Variants in ENPP6 observed in about 807,000 individuals in gnomAD.
The protein encoded by ENPP6 is ectonucleotide pyrophosphatase/phosphodiesterase 6.
ENPP6 carries 32 observed loss-of-function variants against 42.0 expected under a neutral mutation model. That is an observed-to-expected ratio of 0.76 (90% CI 0.58 to 1.02). The LOEUF is 1.02. Among genes scored for constraint, ENPP6 ranks in the 50% least tolerant of loss-of-function variants. The pLI, the probability that ENPP6 is intolerant of heterozygous loss-of-function variation, is 0.00. For synonymous variants in ENPP6, 213 were observed against 216.0 expected, an observed-to-expected ratio of 0.99 and a Z score of 0.12; for missense variants, 552 against 566.8, an observed-to-expected ratio of 0.97 and a Z score of 0.27.
Position 184,107,654 on chromosome 4 carries a change from G to A in ENPP6, c.993+5018C>T, listed in dbSNP as rs543047771. 6.6e-5 allele frequency among the ~76,000 whole-genome samples: 10 copies of A among 152,298 alleles called. No individual in the cohort carries two copies. The South Asian group carries it at 1.9e-3, about 28-fold the overall frequency. ...GTCAGGGCTAGGTGTGGTGGCTCAC[G>A]CCTGTAATCCCAGCACTTTGGGAGG... On this transcript the variant is annotated intron_variant, in intron 6 of 7. Coordinates refer to ENST00000296741, the MANE Select transcript of ENPP6 (RefSeq NM_153343.4).
intron 1 of ENPP6, among the ~76,000 whole-genome samples, chr4:184,157,789 TTTGTA>T (rs1211146754): frequency 2.7e-5 from 4 of 146,440 alleles, no homozygotes; most frequent in African/African-American, 5.0e-5. Flanking sequence ...TTTTTTTTTT[TTTGTA>T]TTTTTTGTAG....
At position 184,117,869 on chromosome 4, in the gene ENPP6, G is replaced by A. The variant is rs149213000; in HGVS notation, c.565C>T (p.His189Tyr). The A allele has an allele frequency of 1.1e-5, 17 of 1,614,068 alleles. No individual in the cohort carries two copies. The African/African-American group carries it at 2.1e-4, about 20-fold the overall frequency. The change falls in exon 4 of 8, where the codon CAT becomes TAT. Residue 189 changes from histidine to tyrosine, a missense_variant. Around this residue, in one of 2 missense-constraint regions of ENPP6, gnomAD observed 545 missense variants for 546.3 expected, o/e 1.00. Transcript: ENST00000296741. ...TGGCCTTCCACGTCAATGCGCTCAT[G>A]GTATATGGCTGCCAGGTCGGCCCGG... is the stretch of plus-strand genomic sequence containing the variant. ...SGRADLAAIY[H>Y]ERIDVEGHHY...
chr4:184,117,939 C>A (rs1177077119), intron 3 of ENPP6, 39 bp from the exon 4 acceptor site: 1 of 1,602,250 alleles, frequency 6.2e-7, no homozygotes, highest in Admixed American at 1.7e-5. Flanking sequence ...TGAGGGAGGC[C>A]CCCGCCAGCT....
chr4:184,170,768 C>T (rs972859632), intron 1 of ENPP6, among the ~76,000 whole-genome samples: 7 of 152,228 alleles, frequency 4.6e-5, no homozygotes, highest in African/African-American at 1.7e-4. Flanking sequence ...TCGCGTCACG[C>T]CATGTGGCTC....
intron 3 of ENPP6, among the ~76,000 whole-genome samples, chr4:184,122,470 G>T (rs909802118): frequency 1.0e-4 from 14 of 139,494 alleles, no homozygotes; most frequent in South Asian, 4.9e-4. Context: ...TATTCTCCAA[G>T]GTAAAGATGC....
intron 1 of ENPP6, among the ~76,000 whole-genome samples, chr4:184,189,781 T>A (rs1732689726): frequency 6.6e-6 from 1 of 152,048 alleles, no homozygotes. Flanking sequence ...CAGCCCGGAG[T>A]AGAACCCGTG....
chr4:184,116,637 GC>G (rs1736318271), intron 5 of ENPP6, among the ~76,000 whole-genome samples: 1 of 151,770 alleles, frequency 6.6e-6, no homozygotes, highest in African/African-American at 2.4e-5. Flanking sequence ...GGAGGCTGAG[GC>G]AGGAGAATCA....
chr4:184,114,330 T>C (rs1240428219), intron 5 of ENPP6, among the ~76,000 whole-genome samples: 2 of 152,212 alleles, frequency 1.3e-5, no homozygotes, highest in Non-Finnish European at 2.9e-5. Context: ...ATCGACTGAC[T>C]GATATTGACT....
chr4:184,194,353 G>T lies in ENPP6; in HGVS notation c.241+23226C>A, dbSNP rs569426238. Among the ~76,000 whole-genome samples, 4 of 152,332 alleles carry T rather than the reference G, an allele frequency of 2.6e-5. No homozygotes were observed. In the South Asian group the frequency reaches 6.2e-4, roughly 24 times the overall value. ...GGAGCAACGAACAGTCACGATGACT[G>T]CTGGATGCACCCCTCCTGAGTGCAT... On this transcript the variant is annotated intron_variant, in intron 1 of 7. Transcript: ENST00000296741.
Position 184,091,314 on chromosome 4 carries a change from C to CCACATTG in ENPP6, c.1179_1185dup (p.Val396GlnfsTer77). On this transcript the variant is annotated frameshift_variant, in exon 8 of 8. Coordinates refer to ENST00000296741, the MANE Select transcript of ENPP6 (RefSeq NM_153343.4). LOFTEE classifies it low-confidence loss of function (END_TRUNC). ...TTGTTGGGCAGCGGGGTGATGCCCA[C>CCACATTG]CACATTGCACATGACATTGTAGACG... The CCACATTG allele has an allele frequency of 6.2e-7, 1 of 1,614,122 alleles. No homozygotes were observed. Among genetic ancestry groups the CCACATTG allele is most frequent in the Admixed American group, 1.7e-5 (1 of 60,008 alleles).
In ENPP6 at chr4:184,112,764, T is replaced by C. The variant is rs746235678; in HGVS notation, c.901A>G (p.Lys301Glu). Residue 301 changes from lysine (K) to glutamate (E), a missense_variant, in exon 6 of 8, where the codon AAA becomes GAA. This residue lies in a region of ENPP6 where 545 missense variants were observed against 546.3 expected (regional missense o/e 1.00). Coordinates refer to ENST00000296741, the MANE Select transcript of ENPP6 (RefSeq NM_153343.4). The part of the protein sequence containing the change: ...STVEHMTVYE[K>E]EAIPSRFYYK... Reference sequence around the variant, plus strand: ...TAGAACCTGCTTGGGATGGCTTCTTTCTCGTAGACAGTCATGTGTTCCACT... The same window carrying C: ...TAGAACCTGCTTGGGATGGCTTCTTCCTCGTAGACAGTCATGTGTTCCACT... 5.0e-6 allele frequency: 8 copies of C among 1,614,176 alleles called. No homozygotes were observed. Among genetic ancestry groups the C allele is most frequent in the Non-Finnish European group, 5.9e-6 (7 of 1,180,032 alleles).
chr4:184,129,667 C>A (rs1399833628), intron 2 of ENPP6, among the ~76,000 whole-genome samples: 4 of 152,118 alleles, frequency 2.6e-5, no homozygotes, highest in Non-Finnish European at 5.9e-5. Context: ...ATTTATAAAA[C>A]TGAGAAGCAA....
intron 2 of ENPP6, among the ~76,000 whole-genome samples, chr4:184,144,440 C>T (rs1736884346): frequency 6.6e-6 from 1 of 152,194 alleles, no homozygotes; most frequent in Non-Finnish European, 1.5e-5. Flanking sequence ...CAAACGGCAG[C>T]CCCGCCACTC....
intron 2 of ENPP6, among the ~76,000 whole-genome samples, chr4:184,127,341 G>T (rs1736520910): frequency 1.3e-5 from 2 of 151,890 alleles, no homozygotes; most frequent in Admixed American, 1.3e-4. Context: ...AGATATGGTA[G>T]AATTCTAAAA....
At chr4:184,158,364 G>C (rs1737208597) in intron 1 of ENPP6, among the ~76,000 whole-genome samples, 3 of 152,128 alleles carry the variant, frequency 2.0e-5, no homozygotes. Context: ...AAAAATGGCT[G>C]TGCAAGCCAA....
At chr4:184,190,535 A>T (rs1732699835) in intron 1 of ENPP6, among the ~76,000 whole-genome samples, 1 of 152,198 alleles carries the variant, frequency 6.6e-6, no homozygotes, top group South Asian at 2.1e-4. Flanking sequence ...TGGAGTGGAA[A>T]TGAGATGGGG....
chr4:184,168,312 G>T (rs1393542691), intron 1 of ENPP6, among the ~76,000 whole-genome samples: 1 of 152,112 alleles, frequency 6.6e-6, no homozygotes, highest in Non-Finnish European at 1.5e-5. Flanking sequence ...CCTATCAAAT[G>T]GGCCTTTTAA....
intron 5 of ENPP6, among the ~76,000 whole-genome samples, chr4:184,114,644 G>T (rs961660528): frequency 6.6e-6 from 1 of 152,078 alleles, no homozygotes; most frequent in Non-Finnish European, 1.5e-5. Flanking sequence ...TTGGCTGCCT[G>T]CAATGCCTGA....
At chr4:184,200,502 G>C (rs1732876537) in intron 1 of ENPP6, among the ~76,000 whole-genome samples, 1 of 152,232 alleles carries the variant, frequency 6.6e-6, no homozygotes, top group Non-Finnish European at 1.5e-5. Flanking sequence ...TAGTTGGCCA[G>C]AACCTAATTA....
Sources: allele counts gnomAD v4.1 joint callset (sites outside exome capture counted in the v4.1 genomes callset), GRCh38; gene constraint gnomAD v4.1.1; regional missense constraint gnomAD v4.1.1; transcripts MANE v1.5; gene names NCBI Gene and HGNC (gene_info 2026-07-23, HGNC 2026-07-21).